Variants in WDR5 observed in about 807,000 individuals in gnomAD.
WDR5 encodes WD repeat-containing protein 5.
For synonymous variants in WDR5, 144 were observed against 161.6 expected (o/e 0.89, Z 0.83); for missense variants, 187 against 416.9 (o/e 0.45, Z 4.80).
chr9:134,150,704 C>T (rs1265243888), intron 8 of WDR5, among the ~76,000 whole-genome samples: 1 of 152,190 alleles, frequency 6.6e-6, no homozygotes, highest in Non-Finnish European at 1.5e-5. Context: ...TACTGTCAGC[C>T]TTGCTTTTCA....
chr9:134,148,529 C>T (rs572064712), intron 8 of WDR5, among the ~76,000 whole-genome samples, 186 bp downstream of exon 8: 2 of 152,192 alleles, frequency 1.3e-5, no homozygotes, highest in South Asian at 4.1e-4. Context: ...GTTGGCAGCA[C>T]AGGTGGTGGG....
At position 134,143,379 on chromosome 9, in the gene WDR5, A is replaced by G. The variant is rs1037427359; in HGVS notation, c.528+660A>G. Among the ~76,000 whole-genome samples the G allele has an allele frequency of 6.9e-4, 105 of 152,180 alleles. 1 individual carries two copies. The highest frequency in any genetic ancestry group is 2.4e-3 in the Admixed American group (36 of 15,288). On this transcript the variant is annotated intron_variant, in intron 7 of 13. Transcript: ENST00000358625. ...AACATGGTGAAACCCCGTCTCTACT[A>G]AAAATACAAAAATCAGCTGGACGTG...
At chr9:134,149,141 C>A (rs1832365345) in intron 8 of WDR5, among the ~76,000 whole-genome samples, 2 of 152,180 alleles carry the variant, frequency 1.3e-5, no homozygotes, top group Non-Finnish European at 2.9e-5. Flanking sequence ...TCCCCAGTGA[C>A]TGTTGGCGTG....
chr9:134,154,318 G>A (rs1832648703), intron 9 of WDR5, 148 bp from the exon 10 acceptor site: 3 of 812,558 alleles, frequency 3.7e-6, no homozygotes, highest in Non-Finnish European at 6.3e-6. Flanking sequence ...CCACCCTTCG[G>A]GGCGGCGAGG....
chr9:134,147,419 G>A (rs1394480751), intron 7 of WDR5, among the ~76,000 whole-genome samples: 1 of 152,180 alleles, frequency 6.6e-6, no homozygotes, highest in Non-Finnish European at 1.5e-5. Context: ...TGCCTCTGGG[G>A]ACACATGGCA....
At chr9:134,137,905 G>T (rs961837284) in intron 1 of WDR5, among the ~76,000 whole-genome samples, 7 of 152,034 alleles carry the variant, frequency 4.6e-5, no homozygotes, top group Non-Finnish European at 8.8e-5. Context: ...ACCACACCCG[G>T]CTAATTTCTG....
intron 13 of WDR5, 70 bp downstream of exon 13, chr9:134,156,663 G>C (rs1348587108): frequency 2.6e-6 from 4 of 1,530,766 alleles, no homozygotes; most frequent in Non-Finnish European, 3.6e-6. Flanking sequence ...GGTGAAGCGT[G>C]GTGTGCCCGT....
chr9:134,141,476 G>C (rs760497638), intron 3 of WDR5, 34 bp from the exon 4 acceptor site: 14 of 1,608,430 alleles, frequency 8.7e-6, no homozygotes, highest in Middle Eastern at 1.6e-4. Context: ...ATTGTGTCCT[G>C]CTCTTAGCCT....
intron 9 of WDR5, among the ~76,000 whole-genome samples, chr9:134,154,155 T>C (rs28705314): frequency 0.72 from 109,930 of 152,036 alleles, 39,932 homozygotes; most frequent in Non-Finnish European, 0.75. Flanking sequence ...TCGCCAGCCT[T>C]ATCCATCCCC....
At chr9:134,148,997 T>C (rs1412241646) in intron 8 of WDR5, among the ~76,000 whole-genome samples, 1 of 152,152 alleles carries the variant, frequency 6.6e-6, no homozygotes, top group Non-Finnish European at 1.5e-5. Context: ...GGACACATCA[T>C]AAGCTGTTCA....
Position 134,157,848 on chromosome 9 carries a change from C to A in WDR5, c.905-45C>A. ...TCAGTCTGGGATGGCGTCCCCGACC[C>A]AGGCGCAGGGATGGCTCTGGTTCTG... On this transcript the variant is annotated intron_variant, in intron 13 of 13. Transcript: ENST00000358625. This position sits in a 1 kb window ranked among gnomAD's most constrained non-coding sequence, Gnocchi z 5.0. The A allele has an allele frequency of 6.3e-7, 1 of 1,595,314 alleles. No individual in the cohort carries two copies. Among genetic ancestry groups the A allele is most frequent in the Non-Finnish European group, 8.6e-7 (1 of 1,163,540 alleles).
chr9:134,147,612 T>A (rs1163501102), intron 7 of WDR5, among the ~76,000 whole-genome samples: 1 of 152,142 alleles, frequency 6.6e-6, no homozygotes, highest in Non-Finnish European at 1.5e-5. Flanking sequence ...CTCAGTCCCA[T>A]CCCCGAATCA....
At chr9:134,151,949 C>A (rs1017814315) in intron 8 of WDR5, 34 bp from the exon 9 acceptor site, 14 of 1,610,028 alleles carry the variant, frequency 8.7e-6, no homozygotes, top group African/African-American at 5.4e-5. Context: ...CATAACTTGT[C>A]TGCTTACGCT....
intron 8 of WDR5, among the ~76,000 whole-genome samples, chr9:134,151,390 C>T (rs1446153233): frequency 3.3e-5 from 5 of 152,170 alleles, no homozygotes; most frequent in African/African-American, 1.2e-4. Flanking sequence ...GTGACCCGAG[C>T]CTGTTCCCCG....
At chr9:134,152,450 CGGA>C (rs1459529069) in intron 9 of WDR5, among the ~76,000 whole-genome samples, 1 of 152,076 alleles carries the variant, frequency 6.6e-6, no homozygotes, top group Non-Finnish European at 1.5e-5. Context: ...CCTGGGGGCA[CGGA>C]GGACAGGCCT....
chr9:134,141,857 C>T, intron 4 of WDR5, 92 bp from the exon 5 acceptor site: 1 of 1,290,392 alleles, frequency 7.7e-7, no homozygotes, highest in Non-Finnish European at 1.1e-6. Flanking sequence ...AGAAGATTTC[C>T]TGAGGGCAAT....
At chr9:134,148,481 C>T in intron 8 of WDR5, 138 bp downstream of exon 8, 1 of 733,168 alleles carries the variant, frequency 1.4e-6, no homozygotes, top group Non-Finnish European at 2.2e-6. Flanking sequence ...TCTGGCCACG[C>T]TGCAGACATG....
intron 7 of WDR5, among the ~76,000 whole-genome samples, chr9:134,143,154 C>G (rs1057174001): frequency 5.9e-5 from 9 of 152,082 alleles, no homozygotes; most frequent in Non-Finnish European, 7.4e-5. Context: ...ATGGCCCAGT[C>G]CTGGTGGGAA....
intron 7 of WDR5, among the ~76,000 whole-genome samples, chr9:134,145,550 C>T (rs1170560252): frequency 6.6e-6 from 1 of 152,230 alleles, no homozygotes; most frequent in Admixed American, 6.5e-5. Flanking sequence ...ATCCTGTTTG[C>T]ATCTGTGGCC....
Sources: gnomAD v4.1 joint callset for allele counts (sites outside exome capture counted in the v4.1 genomes callset) on GRCh38, gnomAD v4.1.1 for gene constraint, Gnocchi (gnomAD v3.1) non-coding constraint, MANE v1.5 for transcripts, NCBI Gene and HGNC (gene_info 2026-07-23, HGNC 2026-07-21) for gene names.